Variants in ABCC3 observed in about 807,000 individuals in gnomAD.
The protein encoded by ABCC3 is ATP binding cassette subfamily C member 3.
ABCC3 carries 121 observed loss-of-function variants against 165.3 expected under a neutral mutation model. That is an observed-to-expected ratio of 0.73 (90% CI 0.63 to 0.85). ABCC3 has a LOEUF of 0.85. Among genes scored for constraint, ABCC3 ranks in the 40% least tolerant of loss-of-function variants. The pLI, the probability that ABCC3 is intolerant of heterozygous loss-of-function variation, is 0.00. For missense variants in ABCC3, 1,869 were observed against 1,964.1 expected (o/e 0.95, Z 0.92); for synonymous variants, 733 against 810.1 (o/e 0.90, Z 1.62).
rs373550035 is a variant in ABCC3 at position 50,684,730 on chromosome 17, A to G, written c.4135A>G (p.Thr1379Ala). The change falls in exon 29 of 31, where the codon ACC (threonine) becomes GCC (alanine). Residue 1379 changes from threonine to alanine, a missense_variant. Transcript: ENST00000285238. ...CCAGGACCCCATCCTGTTCTCGGGGACCCTGCGCATGAACCTGGACCCCTT... is the reference window on the plus strand; with the variant it reads ...CCAGGACCCCATCCTGTTCTCGGGGGCCCTGCGCATGAACCTGGACCCCTT... ...IPQDPILFSG[T>A]LRMNLDPFGS... 1 of 1,613,560 alleles carries G rather than the reference A, an allele frequency of 6.2e-7. No homozygotes were observed. The highest frequency in any genetic ancestry group is 1.3e-5 in the African/African-American group (1 of 74,776).
At chr17:50,687,430 C>T in intron 29 of ABCC3, 106 bp from the exon 30 acceptor site, 2 of 1,147,926 alleles carry the variant, frequency 1.7e-6, no homozygotes, top group South Asian at 3.0e-5. Flanking sequence ...AGAAGTCAGA[C>T]AGAAAACCAG....
chr17:50,636,961 C>T (rs2054186254), intron 1 of ABCC3, among the ~76,000 whole-genome samples: 2 of 152,176 alleles, frequency 1.3e-5, no homozygotes. Flanking sequence ...GGAAACCGGA[C>T]CCCGGGGCTG....
At chr17:50,668,637 T>C (rs1218479177) in intron 14 of ABCC3, 120 bp downstream of exon 14, 2 of 870,010 alleles carry the variant, frequency 2.3e-6, no homozygotes, top group Admixed American at 2.3e-5. Context: ...CACATCTGCT[T>C]CGACTCTGAC....
intron 8 of ABCC3, 64 bp from the exon 9 acceptor site, chr17:50,663,617 C>T (rs1863732846): frequency 1.3e-6 from 2 of 1,567,084 alleles, no homozygotes; most frequent in Non-Finnish European, 1.7e-6. Flanking sequence ...AAGCAAAGGG[C>T]AGCAGAGGAG....
rs34696691 is a variant in ABCC3 at position 50,673,037 on chromosome 17, G to A, written c.2308G>A (p.Asp770Asn). ...SLARAVYSDA[D>N]IFLLDDPLSA... ...GGCTCGAGCTGTTTACAGTGATGCCGATATTTTCTTGCTGGATGACCCACT... is the reference window on the plus strand; with the variant it reads ...GGCTCGAGCTGTTTACAGTGATGCCAATATTTTCTTGCTGGATGACCCACT... Residue 770 changes from aspartate to asparagine, a missense_variant, in exon 18 of 31, where the codon GAT (aspartate) becomes AAT (asparagine). Transcript: ENST00000285238. 1.9e-5 allele frequency: 30 copies of A among 1,614,018 alleles called. No homozygotes were observed. The highest frequency in any genetic ancestry group is 3.3e-5 in the Admixed American group (2 of 59,990).
chr17:50,672,627 G>A (rs9896793), intron 17 of ABCC3, among the ~76,000 whole-genome samples: 9 of 152,296 alleles, frequency 5.9e-5, no homozygotes, highest in African/African-American at 1.2e-4. Flanking sequence ...TACTTTGGGA[G>A]GCTGACGTGG....
chr17:50,674,040 CTTTCTTTCTTTCTTTCTTTCTTTCTT>C, intron 19 of ABCC3, among the ~76,000 whole-genome samples: 1 of 28,912 alleles, frequency 3.5e-5, no homozygotes, highest in Admixed American at 3.6e-4. Flanking sequence ...CTCTCTCTTT[CTTTCTTTCTTTCTTTCTTTCTTTCTT>C]TCTTTCTTTT....
rs568333349 is a variant in ABCC3, at chr17:50,644,438, A to G, written c.45+9457A>G. Among the ~76,000 whole-genome samples the G allele has an allele frequency of 4.3e-3, 648 of 151,844 alleles. 3 individuals are homozygous for G. The highest frequency in any genetic ancestry group is 0.01 in the Admixed American group (159 of 15,256). On this transcript the variant is annotated intron_variant, in intron 1 of 30. Coordinates refer to ENST00000285238, the MANE Select transcript of ABCC3 (RefSeq NM_003786.4). ...TTAAGATGCTAGAACTTGGCCAGGC[A>G]TGGTGGCTCACCCCTGTAATCCCAG... is the stretch of plus-strand genomic sequence containing the variant.
rs748311225 is a variant in ABCC3 at position 50,657,232 on chromosome 17, G to A, written c.486+49G>A. The A allele has an allele frequency of 6.9e-6, 11 of 1,595,220 alleles. 1 individual carries two copies. The South Asian group carries it at 1.1e-4, about 17-fold the overall frequency. ...CTGCCAGGTTTAGCCCTGATAGGAG[G>A]GTGACCTCAGGGTTCAAAGTCACTG... On this transcript the variant is annotated intron_variant, in intron 4 of 30. Transcript: ENST00000285238.
chr17:50,660,936 G>T lies in ABCC3; in HGVS notation c.820G>T (p.Ala274Ser). 1 of 1,603,588 alleles carries T rather than the reference G, an allele frequency of 6.2e-7. No homozygotes were observed. Among genetic ancestry groups the T allele is most frequent in the African/African-American group, 1.3e-5 (1 of 74,898 alleles). The change falls in exon 8 of 31, where the codon GCA becomes TCA. Residue 274 changes from alanine to serine, a missense_variant. Coordinates refer to ENST00000285238, the MANE Select transcript of ABCC3 (RefSeq NM_003786.4). ...EKQTARHKASAAPGKNASGED... is the reference protein window; with the variant it reads ...EKQTARHKASSAPGKNASGED... ...TCCCTGGACCAGACACAAGGCTTCA[G>T]CAGCACCTGGGAAAAATGCCTCCGG...
At chr17:50,690,013 A>C (rs1272953851) in intron 30 of ABCC3, among the ~76,000 whole-genome samples, 1 of 152,214 alleles carries the variant, frequency 6.6e-6, no homozygotes, top group Non-Finnish European at 1.5e-5. Context: ...GGCTATCCAC[A>C]CAGGGTGGCC....
rs773014752 is a variant in ABCC3, at chr17:50,672,951, C to T, written c.2242-20C>T. 18 of 1,607,902 alleles carry T rather than the reference C, an allele frequency of 1.1e-5. No homozygotes were observed. Among genetic ancestry groups the T allele is most frequent in the Non-Finnish European group, 1.5e-5 (18 of 1,177,516 alleles). ...TGTGCCTGTCTGACCCCATTTTTCC[C>T]ACCCCCCGCCTCCCTCCAGGGCATT... On this transcript the variant is annotated intron_variant, in intron 17 of 30. Coordinates refer to ENST00000285238, the MANE Select transcript of ABCC3 (RefSeq NM_003786.4).
intron 26 of ABCC3, 60 bp from the exon 27 acceptor site, chr17:50,683,550 G>A (rs576877679): frequency 5.4e-5 from 80 of 1,475,428 alleles, no homozygotes; most frequent in Non-Finnish European, 6.4e-5. Flanking sequence ...GAGAGAGACC[G>A]AAAGGTGAAA....
chr17:50,684,848 A>G lies in ABCC3; in HGVS notation c.4253A>G (p.Gln1418Arg). ...TCCCAGCCGGCAGGCCTGGACTTCCAGTGCTCAGAGGGCGGGGAGAATCTC... is the reference window on the plus strand; with the variant it reads ...TCCCAGCCGGCAGGCCTGGACTTCCGGTGCTCAGAGGGCGGGGAGAATCTC... ...VSSQPAGLDF[Q>R]CSEGGENLSV... Residue 1418 changes from glutamine to arginine, a missense_variant, in exon 29 of 31, where the codon CAG becomes CGG. By Grantham distance (43) the Gln-to-Arg change is conservative. Transcript: ENST00000285238. 1.2e-6 allele frequency: 2 copies of G among 1,614,102 alleles called. No homozygotes were observed. Among genetic ancestry groups the G allele is most frequent in the Non-Finnish European group, 1.7e-6 (2 of 1,180,014 alleles).
intron 19 of ABCC3, among the ~76,000 whole-genome samples, chr17:50,673,975 T>TCCTTC (rs1567835544): frequency 2.4e-4 from 3 of 12,272 alleles, no homozygotes; most frequent in Admixed American, 1.2e-3. Context: ...TTTCTTTCTT[T>TCCTTC]CTTTCTCTCT....
intron 28 of ABCC3, among the ~76,000 whole-genome samples, chr17:50,684,445 T>C (rs546245022): frequency 6.6e-6 from 1 of 152,266 alleles, no homozygotes; most frequent in Admixed American, 6.5e-5. Context: ...CGGGGTATTT[T>C]TTGTTTCTGC....
rs1409744358 is a variant in ABCC3, at chr17:50,677,760, C to T, written c.3395C>T (p.Thr1132Ile). Reference protein sequence around the residue: ...YTLVQRFYAATSRQLKRLESV... With the variant: ...YTLVQRFYAAISRQLKRLESV... ...CTCCATCAGCGCTTCTATGCAGCCACATCACGGCAACTGAAGCGGCTGGAA... is the reference window on the plus strand; with the variant it reads ...CTCCATCAGCGCTTCTATGCAGCCATATCACGGCAACTGAAGCGGCTGGAA... Residue 1132 changes from threonine (T) to isoleucine (I), a missense_variant, in exon 24 of 31, where the codon ACA becomes ATA. Physicochemically the swap from Thr to Ile is moderately conservative, Grantham distance 89. Coordinates refer to ENST00000285238, the MANE Select transcript of ABCC3 (RefSeq NM_003786.4). 6.2e-7 allele frequency: 1 copy of T among 1,614,130 alleles called. No homozygotes were observed. Among genetic ancestry groups the T allele is most frequent in the Non-Finnish European group, 8.5e-7 (1 of 1,180,032 alleles).
intron 1 of ABCC3, among the ~76,000 whole-genome samples, chr17:50,654,608 T>C (rs1285627383): frequency 1.3e-5 from 2 of 152,102 alleles, no homozygotes; most frequent in African/African-American, 4.8e-5. Context: ...TCCATATCCT[T>C]TGGTTCCTGT....
At chr17:50,639,525 C>T (rs1222858428) in intron 1 of ABCC3, among the ~76,000 whole-genome samples, 1 of 152,038 alleles carries the variant, frequency 6.6e-6, no homozygotes, top group Non-Finnish European at 1.5e-5. Flanking sequence ...CCAGCTGAGC[C>T]ACCCCGGAGT....
Sources: gnomAD v4.1 joint callset for allele counts (sites outside exome capture counted in the v4.1 genomes callset) on GRCh38, gnomAD v4.1.1 for gene constraint, MANE v1.5 for transcripts, NCBI Gene and HGNC (gene_info 2026-07-23, HGNC 2026-07-21) for gene names.